Variants in CSTPP1 observed in about 807,000 individuals in gnomAD.
The protein encoded by CSTPP1 is UPF0705 protein C11orf49.
the CSTPP1 span, among the ~76,000 whole-genome samples, chr11:46,997,911 T>G: frequency 1.3e-5 from 2 of 152,160 alleles, no homozygotes; most frequent in African/African-American, 4.8e-5. Flanking sequence ...TGCCTGATCG[T>G]TCCTCTGGAA....
chr11:47,057,676 G>A, the CSTPP1 span, among the ~76,000 whole-genome samples: 1 of 152,136 alleles, frequency 6.6e-6, no homozygotes, highest in Non-Finnish European at 1.5e-5. Flanking sequence ...GGCTGGAGCA[G>A]CCAGTATTTA....
the CSTPP1 span, chr11:47,161,599 T>C: frequency 6.2e-7 from 1 of 1,613,638 alleles, no homozygotes; most frequent in Non-Finnish European, 8.5e-7. Flanking sequence ...ATGGAGAGAG[T>C]GATGGCTCCA....
the CSTPP1 span, among the ~76,000 whole-genome samples, chr11:46,963,106 AT>A: frequency 0.13 from 19,635 of 150,324 alleles, 1,696 homozygotes; most frequent in South Asian, 0.2. Context: ...GGATGCTTTT[AT>A]TTTTTTTTTC....
the CSTPP1 span, among the ~76,000 whole-genome samples, chr11:47,001,757 T>C: frequency 6.6e-6 from 1 of 152,128 alleles, no homozygotes; most frequent in Non-Finnish European, 1.5e-5. Context: ...GGCATAAACA[T>C]TCATTCTAAA....
At chr11:47,164,243 C>G in the CSTPP1 span, 2 of 1,612,816 alleles carry the variant, frequency 1.2e-6, no homozygotes, top group East Asian at 2.2e-5. Context: ...GGTGGGAGCC[C>G]AGAGAGTGAG....
At chr11:47,026,079 C>G in the CSTPP1 span, among the ~76,000 whole-genome samples, 1 of 152,110 alleles carries the variant, frequency 6.6e-6, no homozygotes, top group South Asian at 2.1e-4. Flanking sequence ...ATAGTACAGA[C>G]AGGGTGAACC....
the CSTPP1 span, among the ~76,000 whole-genome samples, chr11:46,946,895 T>C: frequency 1.3e-5 from 2 of 152,228 alleles, no homozygotes; most frequent in African/African-American, 4.8e-5. Context: ...AGTTGTTGAA[T>C]GAATGGTCTA....
the CSTPP1 span, among the ~76,000 whole-genome samples, chr11:47,079,479 A>G: frequency 1.3e-5 from 2 of 152,256 alleles, no homozygotes; most frequent in Non-Finnish European, 2.9e-5. Context: ...CAAAAGCTGC[A>G]TACTTGATTA....
At chr11:47,123,956 A>ACAAACAAACAAATTATGCG in the CSTPP1 span, among the ~76,000 whole-genome samples, 3 of 151,984 alleles carry the variant, frequency 2.0e-5, no homozygotes, top group Admixed American at 6.6e-5. Flanking sequence ...GTCTCAAAAA[A>ACAAACAAACAAATTATGCG]CAAACAAACA....
At chr11:47,043,203 G>A in the CSTPP1 span, among the ~76,000 whole-genome samples, 72 of 152,052 alleles carry the variant, frequency 4.7e-4, no homozygotes, top group Non-Finnish European at 9.3e-4. Context: ...CTTTAAGAAA[G>A]ACTCAAAAAA....
At chr11:47,163,475 GGTCT>G in the CSTPP1 span, among the ~76,000 whole-genome samples, 1 of 152,082 alleles carries the variant, frequency 6.6e-6, no homozygotes, top group Non-Finnish European at 1.5e-5. Flanking sequence ...CCAGACCAGT[GGTCT>G]GTAACTACCG....
At chr11:47,121,398 T>C in the CSTPP1 span, among the ~76,000 whole-genome samples, 1 of 152,188 alleles carries the variant, frequency 6.6e-6, no homozygotes, top group Non-Finnish European at 1.5e-5. Flanking sequence ...TATTGACATT[T>C]AGATATTTGG....
chr11:46,959,351 G>T, the CSTPP1 span, among the ~76,000 whole-genome samples: 3 of 151,952 alleles, frequency 2.0e-5, no homozygotes, highest in Non-Finnish European at 4.4e-5. Flanking sequence ...TCAATATATA[G>T]AGTTTTATGT....
At chr11:47,061,409 T>A in the CSTPP1 span, among the ~76,000 whole-genome samples, 1 of 152,240 alleles carries the variant, frequency 6.6e-6, no homozygotes, top group Non-Finnish European at 1.5e-5. Flanking sequence ...ATGCAGACAC[T>A]TTAGGCTGAA....
At chr11:46,948,054 T>C in the CSTPP1 span, 15 of 456,272 alleles carry the variant, frequency 3.3e-5, no homozygotes, top group Middle Eastern at 6.5e-4. Context: ...CACTTTTGAA[T>C]GTAAGATATA....
chr11:47,012,528 G>A, the CSTPP1 span, among the ~76,000 whole-genome samples: 558 of 152,074 alleles, frequency 3.7e-3, 2 homozygotes, highest in African/African-American at 0.013. Flanking sequence ...GGATAGCAAA[G>A]CAAACTTTAT....
At chr11:47,162,207 C>T in the CSTPP1 span, 1 of 985,390 alleles carries the variant, frequency 1.0e-6, no homozygotes, top group African/African-American at 1.7e-5. Context: ...AATAGCTAAA[C>T]AAACATGTGA....
At chr11:47,030,313 G>T in the CSTPP1 span, among the ~76,000 whole-genome samples, 11 of 152,276 alleles carry the variant, frequency 7.2e-5, no homozygotes, top group African/African-American at 2.6e-4. Flanking sequence ...TTCACTGGCC[G>T]TTTTCAGTTT....
chr11:47,087,049 G>A, the CSTPP1 span, among the ~76,000 whole-genome samples: 1 of 152,188 alleles, frequency 6.6e-6, no homozygotes. Context: ...TAGGCTGGAT[G>A]ATATAGGCTG....
Sources: allele counts gnomAD v4.1 joint callset (sites outside exome capture counted in the v4.1 genomes callset), GRCh38; gene constraint gnomAD v4.1.1; transcripts MANE v1.5; gene names NCBI Gene and HGNC (gene_info 2026-07-23, HGNC 2026-07-21).